TRPS1: variants seen among roughly 807,000 people sequenced by gnomAD.
TRPS1 encodes zinc finger transcription factor Trps1.
In TRPS1, 6 loss-of-function variants were observed where a neutral mutation model predicts 101.2. The observed-to-expected ratio is 0.06, with a 90% CI of 0.03 to 0.12. TRPS1 has a LOEUF of 0.12. Ranked by LOEUF, TRPS1 falls within the 10% of genes least tolerant of loss-of-function variation. The pLI, the probability that TRPS1 is intolerant of heterozygous loss-of-function variation, is 1.00. For synonymous variants in TRPS1, 578 were observed against 589.8 expected (o/e 0.98, Z 0.29); for missense variants, 1,363 against 1,567.0 (o/e 0.87, Z 2.20).
At chr8:115,664,500 C>G (rs1206510621) in intron 1 of TRPS1, among the ~76,000 whole-genome samples, 1 of 152,020 alleles carries the variant, frequency 6.6e-6, no homozygotes, top group Non-Finnish European at 1.5e-5. Context: ...GATAAGCCAT[C>G]AAAGTAAACG....
intron 4 of TRPS1, 78 bp downstream of exon 4, chr8:115,603,795 C>T (rs956110953): frequency 2.9e-5 from 45 of 1,528,216 alleles, no homozygotes; most frequent in Middle Eastern, 2.0e-4. Context: ...CAACAATTCC[C>T]GGTTCAGCCC....
intron 5 of TRPS1, among the ~76,000 whole-genome samples, chr8:115,452,519 C>T (rs1813901195): frequency 6.6e-6 from 1 of 152,102 alleles, no homozygotes; most frequent in Non-Finnish European, 1.5e-5. Flanking sequence ...TTAATTCTGT[C>T]CCATAATTGA....
At chr8:115,496,720 C>T (rs1049802198) in intron 5 of TRPS1, among the ~76,000 whole-genome samples, 2 of 152,108 alleles carry the variant, frequency 1.3e-5, no homozygotes, top group African/African-American at 4.8e-5. Context: ...GCCAATTTCA[C>T]AACCACAACA....
intron 5 of TRPS1, among the ~76,000 whole-genome samples, chr8:115,545,741 C>A (rs1160632596): frequency 1.3e-5 from 2 of 152,136 alleles, no homozygotes; most frequent in Non-Finnish European, 2.9e-5. Flanking sequence ...ATGATCTCAT[C>A]AGTCAAATTC....
In TRPS1 at chr8:115,410,314, T is replaced by C. The variant is rs1812760575; in HGVS notation, c.*3709A>G. ...TAATAGATTATGTGCACATGTGCAA[T>C]TATAAACATAATGTGCTACCACAGG... On this transcript the variant is annotated 3_prime_UTR_variant, in exon 7 of 7. Coordinates refer to ENST00000395715, the MANE Select transcript of TRPS1 (RefSeq NM_014112.5). The C allele has an allele frequency of 6.6e-6, 1 of 152,502 alleles. No individual in the cohort carries two copies. Among genetic ancestry groups the C allele is most frequent in the Non-Finnish European group, 1.5e-5 (1 of 67,984 alleles). 9.4% of individuals were successfully genotyped at this position (152,502 alleles called of 1,614,324 possible). A position where few individuals can be genotyped will look rare whatever the true frequency, so the allele number is the denominator to read the frequency against.
At position 115,409,389 on chromosome 8, in the gene TRPS1, C is replaced by T. The variant is rs528040131; in HGVS notation, c.*4634G>A. On this transcript the variant is annotated 3_prime_UTR_variant, in exon 7 of 7. Coordinates refer to ENST00000395715, the MANE Select transcript of TRPS1 (RefSeq NM_014112.5). ...CGGTAAAGTTATTCCTGCTTTTCTC[C>T]GGTGTAGGACAGAGTGAAGCTTACA... 4.6e-5 allele frequency: 7 copies of T among 151,836 alleles called. No individual in the cohort carries two copies. The East Asian group carries it at 7.8e-4, about 17-fold the overall frequency. 9.4% of individuals were successfully genotyped at this position (151,836 alleles called of 1,614,324 possible).
chr8:115,421,145 C>T (rs1409044610), intron 5 of TRPS1, among the ~76,000 whole-genome samples: 9 of 151,966 alleles, frequency 5.9e-5, no homozygotes, highest in Admixed American at 4.6e-4. Flanking sequence ...CCACCATGAC[C>T]GGCTAATTTT....
At chr8:115,447,222 C>T (rs758160296) in intron 5 of TRPS1, among the ~76,000 whole-genome samples, 10 of 152,142 alleles carry the variant, frequency 6.6e-5, no homozygotes, top group Non-Finnish European at 1.3e-4. Flanking sequence ...ACTGACTATA[C>T]CTTTGCCCTA....
At chr8:115,652,370 C>G (rs1811580074) in intron 1 of TRPS1, among the ~76,000 whole-genome samples, 1 of 152,204 alleles carries the variant, frequency 6.6e-6, no homozygotes, top group Admixed American at 6.5e-5. Context: ...TTTCTCCACT[C>G]TGAGGTTATT....
intron 2 of TRPS1, among the ~76,000 whole-genome samples, chr8:115,622,670 A>G (rs572804951): frequency 6.6e-6 from 1 of 152,316 alleles, no homozygotes; most frequent in East Asian, 1.9e-4. Flanking sequence ...TTTCTTCTTA[A>G]GATGACTAGA....
Position 115,620,022 on chromosome 8 carries a change from C to G in TRPS1, c.76G>C (p.Ala26Pro). The G allele has an allele frequency of 6.2e-7, 1 of 1,614,138 alleles. No individual in the cohort carries two copies. The highest frequency in any genetic ancestry group is 8.5e-7 in the Non-Finnish European group (1 of 1,180,032). ...AGGATCTGGCCCTCGCCTTCACTTG[C>G]AACGTTTCTCAGAGGGGGGTTCTTT... is the stretch of plus-strand genomic sequence containing the variant. The part of the protein sequence containing the change: ...RKKNPPLRNV[A>P]SEGEGQILEP... The change falls in exon 3 of 7, where the codon GCA (alanine) becomes CCA (proline). Residue 26 changes from alanine to proline, a missense_variant. Ala to Pro is a conservative substitution (Grantham distance 27, BLOSUM62 -1). Transcript: ENST00000395715.
chr8:115,619,785 T>G lies in TRPS1; in HGVS notation c.313A>C (p.Ser105Arg), dbSNP rs1818350541. The G allele has an allele frequency of 6.2e-7, 1 of 1,614,086 alleles. No homozygotes were observed. ...AAGGAGGGAAAGTTTCCTCCCTTAC[T>G]GGGGCTTTCATAATTGAAGCCAGCC... ...EKAGFNYESP[S>R]KGGNFPSFPH... Residue 105 changes from serine (S) to arginine (R), a missense_variant, in exon 3 of 7, where the codon AGT becomes CGT. Transcript: ENST00000395715.
At chr8:115,622,338 C>A (rs117237023) in intron 2 of TRPS1, among the ~76,000 whole-genome samples, 1 of 151,366 alleles carries the variant, frequency 6.6e-6, no homozygotes, top group African/African-American at 2.4e-5. Context: ...TGCAGAAAAC[C>A]GAAGGGCAAT....
At chr8:115,465,943 T>A (rs1814307496) in intron 5 of TRPS1, among the ~76,000 whole-genome samples, 1 of 152,146 alleles carries the variant, frequency 6.6e-6, no homozygotes, top group Non-Finnish European at 1.5e-5. Context: ...AAGTAGAGAT[T>A]CACTGCTTGT....
At chr8:115,485,981 T>C (rs902847055) in intron 5 of TRPS1, among the ~76,000 whole-genome samples, 3 of 152,202 alleles carry the variant, frequency 2.0e-5, no homozygotes, top group Non-Finnish European at 4.4e-5. Flanking sequence ...CTTCATTACA[T>C]AGTGACAGGC....
intron 5 of TRPS1, among the ~76,000 whole-genome samples, chr8:115,481,501 T>C (rs1429098047): frequency 3.9e-5 from 6 of 152,106 alleles, no homozygotes; most frequent in Non-Finnish European, 8.8e-5. Context: ...TGAAGTGATA[T>C]TGTTTCATGA....
intron 5 of TRPS1, among the ~76,000 whole-genome samples, chr8:115,543,438 ATT>A (rs952513435): frequency 2.0e-5 from 3 of 151,926 alleles, no homozygotes; most frequent in Non-Finnish European, 4.4e-5. Flanking sequence ...TTTTTTTTAA[ATT>A]TTTTTTGCCA....
chr8:115,643,463 A>C (rs1489376797), intron 1 of TRPS1, among the ~76,000 whole-genome samples: 1 of 152,230 alleles, frequency 6.6e-6, no homozygotes, highest in Non-Finnish European at 1.5e-5. Flanking sequence ...CTTCCATCTC[A>C]AGAAACCACT....
At position 115,409,377 on chromosome 8, in the gene TRPS1, C is replaced by G. The variant is rs1339935591; in HGVS notation, c.*4646G>C. 6.6e-6 allele frequency: 1 copy of G among 150,978 alleles called. No homozygotes were observed. Among genetic ancestry groups the G allele is most frequent in the African/African-American group, 2.4e-5 (1 of 41,102 alleles). The allele number at this position is 150,978 out of a possible 1,614,324, so 9.4% of individuals were successfully genotyped here. A position where few individuals can be genotyped will look rare whatever the true frequency, so the allele number is the denominator to read the frequency against. On this transcript the variant is annotated 3_prime_UTR_variant, in exon 7 of 7. Coordinates refer to ENST00000395715, the MANE Select transcript of TRPS1 (RefSeq NM_014112.5). ...ACATTATTTCCACGGTAAAGTTATT[C>G]CTGCTTTTCTCCGGTGTAGGACAGA... is the stretch of plus-strand genomic sequence containing the variant.
Sources: gnomAD v4.1 joint callset for allele counts (sites outside exome capture counted in the v4.1 genomes callset) on GRCh38, gnomAD v4.1.1 for gene constraint, MANE v1.5 for transcripts, NCBI Gene and HGNC (gene_info 2026-07-23, HGNC 2026-07-21) for gene names.